The following PCTP variants were observed in gnomAD, a reference collection of about 807,000 sequenced individuals.
PCTP encodes phosphatidylcholine transfer protein.
Under a neutral mutation model 31.0 loss-of-function variants are expected in PCTP, and 27 were observed. The observed-to-expected ratio is 0.87, with a 90% CI of 0.64 to 1.20. The LOEUF is 1.20. Ranked by LOEUF, PCTP falls within the 50% of genes most tolerant of loss-of-function variation. PCTP has a pLI of 0.00. For synonymous variants in PCTP, 108 were observed against 101.2 expected, an observed-to-expected ratio of 1.07 and a Z score of -0.40; for missense variants, 287 against 268.2, an observed-to-expected ratio of 1.07 and a Z score of -0.49.
chr17:55,836,173 T>A (rs144185211), intron 5 of PCTP, among the ~76,000 whole-genome samples: 139 of 152,252 alleles, frequency 9.1e-4, no homozygotes, highest in African/African-American at 3.0e-3. Flanking sequence ...GCCTTATGAG[T>A]TCAACCAACA....
At chr17:55,756,960 T>G (rs1910058986) in intron 1 of PCTP, among the ~76,000 whole-genome samples, 1 of 152,114 alleles carries the variant, frequency 6.6e-6, no homozygotes, top group East Asian at 1.9e-4. Flanking sequence ...GTGATATTGA[T>G]CAGTTACTTT....
chr17:55,825,630 A>G (rs1310579541), downstream of PCTP, among the ~76,000 whole-genome samples: 3 of 152,246 alleles, frequency 2.0e-5, no homozygotes, highest in Non-Finnish European at 4.4e-5. Context: ...ATGTATTCGT[A>G]TTAAATCCTA....
chr17:55,755,828 G>A (rs1385107080), intron 1 of PCTP, among the ~76,000 whole-genome samples: 1 of 152,188 alleles, frequency 6.6e-6, no homozygotes, highest in Non-Finnish European at 1.5e-5. Context: ...CTAAAGAGAT[G>A]TGGAAGATAG....
downstream of PCTP, among the ~76,000 whole-genome samples, chr17:55,845,654 C>T (rs961136419): frequency 6.6e-6 from 1 of 152,138 alleles, no homozygotes; most frequent in Non-Finnish European, 1.5e-5. Context: ...TGGTGCCCAG[C>T]GCAGTCAGAG....
chr17:55,846,384 C>T (rs548885117), downstream of PCTP, among the ~76,000 whole-genome samples: 2 of 152,166 alleles, frequency 1.3e-5, no homozygotes, highest in South Asian at 2.1e-4. Flanking sequence ...CTTGAGGATT[C>T]GTGGGGATAT....
downstream of PCTP, among the ~76,000 whole-genome samples, chr17:55,843,389 G>A (rs1906046853): frequency 6.6e-6 from 1 of 152,020 alleles, no homozygotes; most frequent in Non-Finnish European, 1.5e-5. Flanking sequence ...TTTTTGATCT[G>A]CCCCCCTCCC....
At chr17:55,778,158 C>A (rs891294554), downstream of PCTP, among the ~76,000 whole-genome samples, 1 of 148,706 alleles carries the variant, frequency 6.7e-6, no homozygotes, top group East Asian at 2.0e-4. Context: ...TCCTCACGAG[C>A]TGAGGTTATG....
intron 5 of PCTP, among the ~76,000 whole-genome samples, chr17:55,835,346 C>T (rs1004662257): frequency 6.6e-6 from 1 of 152,208 alleles, no homozygotes; most frequent in African/African-American, 2.4e-5. Flanking sequence ...GCTTCAAGCA[C>T]CACAAAAGCC....
intron 1 of PCTP, among the ~76,000 whole-genome samples, chr17:55,764,676 C>T (rs1388789367): frequency 2.0e-5 from 3 of 152,112 alleles, no homozygotes; most frequent in Non-Finnish European, 4.4e-5. Context: ...TAGGTTATAC[C>T]ACCCAAGCTA....
Position 55,767,455 on chromosome 17 carries a change from G to T in PCTP, c.259+3G>T, listed in dbSNP as rs1910730442. 1 of 1,548,226 alleles carries T rather than the reference G, an allele frequency of 6.5e-7. No individual in the cohort carries two copies. The highest frequency in any genetic ancestry group is 1.8e-5 in the Admixed American group (1 of 55,792). On this transcript the variant is annotated splice_donor_region_variant and intron_variant, in intron 2 of 5. Coordinates refer to ENST00000268896, the MANE Select transcript of PCTP (RefSeq NM_021213.4). ...ACAATGGGACCAGTATGTTAAAGGT[G>T]AGTGATGCTTGCTTTTCTTTTTTTT...
At chr17:55,810,217 A>C (rs12952771) in intron 3 of PCTP, among the ~76,000 whole-genome samples, 10,652 of 152,236 alleles carry the variant, frequency 0.07, 517 homozygotes, top group Middle Eastern at 0.15. Context: ...GGGTCTCACT[A>C]TGTTGCCCAG....
At chr17:55,783,263 T>C (rs566504908) in intron 2 of PCTP, among the ~76,000 whole-genome samples, 1 of 152,230 alleles carries the variant, frequency 6.6e-6, no homozygotes, top group East Asian at 1.9e-4. Context: ...CCCGTAAAAG[T>C]CTACTCAACA....
At chr17:55,758,857 A>C (rs1054439861) in intron 1 of PCTP, among the ~76,000 whole-genome samples, 1 of 152,202 alleles carries the variant, frequency 6.6e-6, no homozygotes, top group Non-Finnish European at 1.5e-5. Context: ...TGGTGGAAGG[A>C]GGGGAGAGGA....
chr17:55,776,289 G>T lies in PCTP; in HGVS notation c.*189G>T. The T allele has an allele frequency of 7.3e-7, 1 of 1,363,770 alleles. No homozygotes were observed. The highest frequency in any genetic ancestry group is 9.4e-7 in the Non-Finnish European group (1 of 1,059,944). 84.5% of individuals were successfully genotyped at this position (1,363,770 alleles called of 1,614,324 possible). A position where few individuals can be genotyped will look rare whatever the true frequency, so the allele number is the denominator to read the frequency against. ...ACACTACCACATCCTTTCTAAGCATGTTTGCCTGACATCCAGCTCACTCGT... is the reference window on the plus strand; with the variant it reads ...ACACTACCACATCCTTTCTAAGCATTTTTGCCTGACATCCAGCTCACTCGT... On this transcript the variant is annotated 3_prime_UTR_variant, in exon 6 of 6. Transcript: ENST00000268896.
chr17:55,840,100 T>C (rs7211137), intron 5 of PCTP, among the ~76,000 whole-genome samples: 42,829 of 151,828 alleles, frequency 0.28, 6,008 homozygotes, highest in East Asian at 0.41. Context: ...CCCAAAGTGG[T>C]CATCCAGTGG....
At chr17:55,827,274 G>A (rs1371148353), downstream of PCTP, among the ~76,000 whole-genome samples, 1 of 152,096 alleles carries the variant, frequency 6.6e-6, no homozygotes, top group Non-Finnish European at 1.5e-5. Flanking sequence ...CAGCCCCAGT[G>A]ACAACAAGCC....
At chr17:55,814,040 G>A (rs370845981) in intron 3 of PCTP, among the ~76,000 whole-genome samples, 5 of 149,820 alleles carry the variant, frequency 3.3e-5, no homozygotes, top group African/African-American at 1.2e-4. Context: ...ACAGAGGAAG[G>A]AAGACCCTGT....
chr17:55,799,048 G>A (rs1034582677), intron 3 of PCTP, among the ~76,000 whole-genome samples: 13 of 151,718 alleles, frequency 8.6e-5, no homozygotes, highest in Non-Finnish European at 8.8e-5. Flanking sequence ...TAAAGAATTT[G>A]TAAAAGGATT....
At chr17:55,767,241 T>C (rs1282589009) in intron 1 of PCTP, 94 bp from the exon 2 acceptor site, 1 of 645,012 alleles carries the variant, frequency 1.6e-6, no homozygotes, top group African/African-American at 1.9e-5. Flanking sequence ...TAGTTTCTTT[T>C]GCTGTGCAGA....
Sources: gnomAD v4.1 joint callset for allele counts (sites outside exome capture counted in the v4.1 genomes callset) on GRCh38, gnomAD v4.1.1 for gene constraint, MANE v1.5 for transcripts, NCBI Gene and HGNC (gene_info 2026-07-23, HGNC 2026-07-21) for gene names.